Variants in BMP5 observed in about 807,000 individuals in gnomAD.
BMP5 encodes bone morphogenetic protein 5.
A neutral mutation model predicts 46.6 loss-of-function variants in BMP5; 23 were observed. The ratio of observed to expected loss-of-function variants is 0.49; its 90% CI spans 0.35 to 0.70. The LOEUF is 0.70. BMP5 is among the 30% of genes least tolerant of loss of function. BMP5 has a pLI of 0.00. For missense variants in BMP5, 545 were observed against 565.6 expected, an observed-to-expected ratio of 0.96 and a Z score of 0.37; for synonymous variants, 204 against 191.9, an observed-to-expected ratio of 1.06 and a Z score of -0.52.
intron 2 of BMP5, among the ~76,000 whole-genome samples, chr6:55,805,536 C>G (rs1436394375): frequency 2.6e-5 from 4 of 151,552 alleles, no homozygotes; most frequent in Non-Finnish European, 5.9e-5. Flanking sequence ...AGTTCCACGT[C>G]TTTGCTTTAT....
In BMP5 at chr6:55,842,861, G is replaced by C. The variant is rs140472551; in HGVS notation, c.491-23014C>G. On this transcript the variant is annotated intron_variant, in intron 1 of 6. Transcript: ENST00000370830. ...TAAAATTAATCTACCACAGGCAAAA[G>C]AGCAAATCACATTTATATATTTCTT... is the stretch of plus-strand genomic sequence containing the variant. 2.1e-3 allele frequency among the ~76,000 whole-genome samples: 317 copies of C among 152,040 alleles called. 1 individual carries two copies. The highest frequency in any genetic ancestry group is 7.1e-3 in the African/African-American group (296 of 41,484).
intron 1 of BMP5, among the ~76,000 whole-genome samples, chr6:55,852,468 T>C (rs975202032): frequency 6.6e-6 from 1 of 152,166 alleles, no homozygotes; most frequent in Non-Finnish European, 1.5e-5. Flanking sequence ...ATGTTCTTGT[T>C]AAGAATTCCA....
intron 3 of BMP5, among the ~76,000 whole-genome samples, chr6:55,786,810 A>G (rs1043591908): frequency 6.6e-6 from 1 of 151,656 alleles, no homozygotes; most frequent in South Asian, 2.1e-4. Flanking sequence ...ATACTCTCTC[A>G]TTTGTTTATT....
chr6:55,814,816 T>C (rs1262937577), intron 2 of BMP5, among the ~76,000 whole-genome samples: 1 of 152,192 alleles, frequency 6.6e-6, no homozygotes, highest in African/African-American at 2.4e-5. Flanking sequence ...GAGATTGTCA[T>C]ACCTGATCAA....
At chr6:55,790,589 A>G (rs536296514) in intron 3 of BMP5, among the ~76,000 whole-genome samples, 1 of 152,332 alleles carries the variant, frequency 6.6e-6, no homozygotes. Context: ...CATTTTACAC[A>G]TGAAAGTTGT....
At chr6:55,813,517 C>T (rs1200346558) in intron 2 of BMP5, among the ~76,000 whole-genome samples, 5 of 151,410 alleles carry the variant, frequency 3.3e-5, no homozygotes, top group Non-Finnish European at 5.9e-5. Flanking sequence ...TGGCCGGGCG[C>T]GGTGGCTCAC....
chr6:55,814,213 C>T (rs1776202552), intron 2 of BMP5, among the ~76,000 whole-genome samples: 1 of 151,956 alleles, frequency 6.6e-6, no homozygotes, highest in African/African-American at 2.4e-5. Flanking sequence ...ACACCTAGAA[C>T]ATTTTACTTA....
At chr6:55,813,958 T>C (rs1776197161) in intron 2 of BMP5, among the ~76,000 whole-genome samples, 1 of 152,146 alleles carries the variant, frequency 6.6e-6, no homozygotes, top group African/African-American at 2.4e-5. Flanking sequence ...AATGTTTCTG[T>C]AAGATAAATT....
At chr6:55,872,199 T>C (rs1211317236) in intron 1 of BMP5, among the ~76,000 whole-genome samples, 3 of 151,762 alleles carry the variant, frequency 2.0e-5, no homozygotes, top group Non-Finnish European at 4.4e-5. Flanking sequence ...TAAACTGTGG[T>C]TTAATTTTCC....
chr6:55,781,223 C>A (rs1424326487), intron 3 of BMP5, among the ~76,000 whole-genome samples: 1 of 152,070 alleles, frequency 6.6e-6, no homozygotes, highest in African/African-American at 2.4e-5. Context: ...TAGAAACATT[C>A]TTTTCACAAA....
chr6:55,820,457 G>T (rs564070326), intron 1 of BMP5, among the ~76,000 whole-genome samples: 1 of 151,048 alleles, frequency 6.6e-6, no homozygotes, highest in Non-Finnish European at 1.5e-5. Flanking sequence ...TCACTCCGTT[G>T]CCCAAGCTGG....
chr6:55,845,253 C>T (rs1582113652), intron 1 of BMP5, among the ~76,000 whole-genome samples: 1 of 151,892 alleles, frequency 6.6e-6, no homozygotes, highest in South Asian at 2.1e-4. Flanking sequence ...ATCAGTTGTG[C>T]TGAGACAATG....
intron 2 of BMP5, among the ~76,000 whole-genome samples, chr6:55,805,090 T>C (rs900019979): frequency 3.9e-5 from 6 of 152,202 alleles, no homozygotes; most frequent in Non-Finnish European, 8.8e-5. Context: ...GGATGCCCAT[T>C]CATCTTTTGA....
chr6:55,873,857 G>C (rs1475176478), intron 1 of BMP5, among the ~76,000 whole-genome samples: 2 of 151,716 alleles, frequency 1.3e-5, no homozygotes, highest in Non-Finnish European at 2.9e-5. Context: ...TTGATTCCTT[G>C]ATAGTAATCT....
chr6:55,809,713 G>A (rs1776077234), intron 2 of BMP5, among the ~76,000 whole-genome samples: 1 of 151,968 alleles, frequency 6.6e-6, no homozygotes, highest in African/African-American at 2.4e-5. Flanking sequence ...ACAAAAAGGA[G>A]AAACCAATAG....
chr6:55,778,665 GA>G, intron 3 of BMP5, among the ~76,000 whole-genome samples: 1 of 152,080 alleles, frequency 6.6e-6, no homozygotes. Flanking sequence ...GAATCATAAA[GA>G]AACAATTTGA....
At chr6:55,763,413 T>C (rs930857980) in intron 4 of BMP5, among the ~76,000 whole-genome samples, 4 of 152,168 alleles carry the variant, frequency 2.6e-5, no homozygotes, top group African/African-American at 9.7e-5. Flanking sequence ...AAGAGTCTGA[T>C]TTCATAGAGC....
In BMP5 at chr6:55,830,458, G is replaced by C. The variant is rs370907845; in HGVS notation, c.491-10611C>G. Among the ~76,000 whole-genome samples the C allele has an allele frequency of 5.2e-4, 79 of 152,144 alleles. No individual in the cohort carries two copies. The South Asian group carries it at 0.016, about 31-fold the overall frequency. On this transcript the variant is annotated intron_variant, in intron 1 of 6. Transcript: ENST00000370830. Reference sequence around the variant, plus strand: ...AAAACTCAGAGCAAAATTCAGCTACGCATCTTTGAGCAGTATCTGGTTTTG... The same window carrying C: ...AAAACTCAGAGCAAAATTCAGCTACCCATCTTTGAGCAGTATCTGGTTTTG...
chr6:55,793,563 C>T (rs1028249762), intron 3 of BMP5, among the ~76,000 whole-genome samples: 2 of 152,104 alleles, frequency 1.3e-5, no homozygotes, highest in Non-Finnish European at 1.5e-5. Context: ...TTTGATGTGT[C>T]ACTATTTTTC....
Sources: allele counts gnomAD v4.1 joint callset (sites outside exome capture counted in the v4.1 genomes callset), GRCh38; gene constraint gnomAD v4.1.1; transcripts MANE v1.5; gene names NCBI Gene and HGNC (gene_info 2026-07-23, HGNC 2026-07-21).